The following SNTA1 variants were observed in gnomAD, a reference collection of about 807,000 sequenced individuals.
The protein encoded by SNTA1 is alpha-1-syntrophin.
Under a neutral mutation model 47.1 loss-of-function variants are expected in SNTA1, and 31 were observed. That is an observed-to-expected ratio of 0.66 (90% CI 0.49 to 0.89). The LOEUF is 0.89. Ranked by LOEUF, SNTA1 falls within the 40% of genes least tolerant of loss-of-function variation. SNTA1 has a pLI of 0.00. For synonymous variants in SNTA1, 300 were observed against 313.6 expected (o/e 0.96, Z 0.46); for missense variants, 575 against 693.0 (o/e 0.83, Z 1.91).
At chr20:33,440,967 C>T (rs1367412113) in intron 1 of SNTA1, among the ~76,000 whole-genome samples, 1 of 152,226 alleles carries the variant, frequency 6.6e-6, no homozygotes, top group Non-Finnish European at 1.5e-5. Flanking sequence ...AAACCAAAGC[C>T]TTAGAGTCTA....
intron 2 of SNTA1, among the ~76,000 whole-genome samples, chr20:33,420,125 T>C (rs2146777153): frequency 6.6e-6 from 1 of 152,230 alleles, no homozygotes; most frequent in Middle Eastern, 3.4e-3. Context: ...GGTTTCGCCA[T>C]GTTGGCCAGG....
Position 33,443,646 on chromosome 20 carries a change from C to A in SNTA1, c.-26G>T. The A allele has an allele frequency of 8.4e-7, 1 of 1,188,344 alleles. No individual in the cohort carries two copies. Among genetic ancestry groups the A allele is most frequent in the Non-Finnish European group, 1.0e-6 (1 of 959,310 alleles). The allele number at this position is 1,188,344 out of a possible 1,614,324, so 73.6% of individuals were successfully genotyped here. On this transcript the variant is annotated 5_prime_UTR_variant, in exon 1 of 8. Transcript: ENST00000217381. ...CTTCGCCTCCGAGCCCCCGGGCCGC[C>A]GCGCTCGCCCTGTCCCGCTTTGCCC...
intron 2 of SNTA1, among the ~76,000 whole-genome samples, chr20:33,422,847 G>A (rs2146781993): frequency 6.6e-6 from 1 of 152,258 alleles, no homozygotes; most frequent in African/African-American, 2.4e-5. Context: ...TTAGCAGGAG[G>A]GAAGAGGTGC....
At chr20:33,426,013 T>C (rs999603966) in intron 2 of SNTA1, among the ~76,000 whole-genome samples, 1 of 150,698 alleles carries the variant, frequency 6.6e-6, no homozygotes, top group Non-Finnish European at 1.5e-5. Context: ...GAGACAGAGG[T>C]TGCAGTGAGC....
intron 2 of SNTA1, among the ~76,000 whole-genome samples, chr20:33,420,848 G>A (rs141165361): frequency 2.8e-4 from 42 of 152,116 alleles, no homozygotes; most frequent in African/African-American, 9.4e-4. Flanking sequence ...GCTGGGCGTG[G>A]TCGTGGGCAC....
chr20:33,430,076 A>ACAAG (rs1351933702), intron 2 of SNTA1, among the ~76,000 whole-genome samples: 1 of 152,124 alleles, frequency 6.6e-6, no homozygotes, highest in East Asian at 1.9e-4. Flanking sequence ...ACCAAGCCAT[A>ACAAG]CAAGCCATAG....
intron 1 of SNTA1, among the ~76,000 whole-genome samples, chr20:33,442,584 C>G (rs934383777): frequency 1.3e-5 from 2 of 152,180 alleles, no homozygotes; most frequent in Non-Finnish European, 2.9e-5. Context: ...TCCTCTTATA[C>G]AGTTGAGGAA....
rs1990503747 is a variant in SNTA1, at chr20:33,438,752, G to C, written c.496+89C>G. 2.7e-6 allele frequency: 3 copies of C among 1,120,858 alleles called. No homozygotes were observed. In the Admixed American group the frequency reaches 5.1e-5, roughly 19 times the overall value. The allele number at this position is 1,120,858 out of a possible 1,614,324, so 69.4% of individuals were successfully genotyped here. On this transcript the variant is annotated intron_variant, in intron 2 of 7. Coordinates refer to ENST00000217381, the MANE Select transcript of SNTA1 (RefSeq NM_003098.3). ...GCCCACCTCCCAGCCCCCAGTGCTG[G>C]GATGGGGCCTTCTGAGGCCTGGGGG...
At chr20:33,410,377 G>C (rs1989712653) in intron 5 of SNTA1, 46 bp from the exon 6 acceptor site, 2 of 1,331,150 alleles carry the variant, frequency 1.5e-6, no homozygotes, top group Non-Finnish European at 2.1e-6. Context: ...TCAGGCCGGA[G>C]GCAAATAGTT....
chr20:33,413,974 C>T (rs1224438862), intron 3 of SNTA1, among the ~76,000 whole-genome samples: 4 of 151,954 alleles, frequency 2.6e-5, no homozygotes, highest in Admixed American at 2.0e-4. Context: ...TGTGATGGCT[C>T]ACGCCTGTAA....
intron 3 of SNTA1, among the ~76,000 whole-genome samples, chr20:33,416,212 C>A (rs1247386652): frequency 6.6e-6 from 1 of 152,148 alleles, no homozygotes; most frequent in East Asian, 1.9e-4. Context: ...CGAGTGAGAC[C>A]AAGAGATTTG....
At chr20:33,421,343 G>A (rs1990015188) in intron 2 of SNTA1, among the ~76,000 whole-genome samples, 1 of 152,202 alleles carries the variant, frequency 6.6e-6, no homozygotes, top group South Asian at 2.1e-4. Flanking sequence ...TGGGCACAGT[G>A]GCTCACGCCT....
chr20:33,413,679 G>A (rs188382), intron 3 of SNTA1, among the ~76,000 whole-genome samples: 2 of 151,050 alleles, frequency 1.3e-5, no homozygotes, highest in Non-Finnish European at 2.9e-5. Flanking sequence ...TGTAATCCCA[G>A]AACTTCGGGA....
At chr20:33,438,509 T>G (rs1050914096) in intron 2 of SNTA1, among the ~76,000 whole-genome samples, 30 of 152,150 alleles carry the variant, frequency 2.0e-4, no homozygotes, top group African/African-American at 7.2e-4. Flanking sequence ...ATTTTTGCCC[T>G]AGTCGCAACA....
At position 33,409,003 on chromosome 20, in the gene SNTA1, G is replaced by A; in HGVS notation, c.1238-115C>T. On this transcript the variant is annotated intron_variant, in intron 6 of 7. Transcript: ENST00000217381. ...GCCTGAATGCCTCCAGGGATGGGAG[G>A]CTCACTGTTTGTCGTGGCACCAGTA... is the stretch of plus-strand genomic sequence containing the variant. 1.1e-5 allele frequency: 10 copies of A among 928,428 alleles called. No individual in the cohort carries two copies. In the South Asian group the frequency reaches 1.3e-4, roughly 12 times the overall value. The allele number at this position is 928,428 out of a possible 1,614,324, so 57.5% of individuals were successfully genotyped here.
intron 2 of SNTA1, among the ~76,000 whole-genome samples, chr20:33,437,194 C>T (rs974972588): frequency 5.3e-5 from 8 of 150,442 alleles, no homozygotes; most frequent in Non-Finnish European, 1.0e-4. Flanking sequence ...ACCCGGGAGA[C>T]GGAGGTTGCA....
At chr20:33,412,855 C>T (rs1600839979) in intron 3 of SNTA1, 73 bp from the exon 4 acceptor site, 1 of 1,025,648 alleles carries the variant, frequency 9.7e-7, no homozygotes, top group South Asian at 1.4e-5. Flanking sequence ...CCCAAGAAAC[C>T]CCACCCACCA....
intron 2 of SNTA1, among the ~76,000 whole-genome samples, chr20:33,434,007 C>A (rs1990373677): frequency 6.6e-6 from 1 of 152,188 alleles, no homozygotes; most frequent in African/African-American, 2.4e-5. Flanking sequence ...ATCCACTGAG[C>A]TGGAAAAATA....
At chr20:33,411,723 C>T (rs1989745301) in intron 5 of SNTA1, among the ~76,000 whole-genome samples, 1 of 152,234 alleles carries the variant, frequency 6.6e-6, no homozygotes, top group Non-Finnish European at 1.5e-5. Flanking sequence ...TGCCAACTCC[C>T]TTCTCTCCAT....
Sources: allele counts gnomAD v4.1 joint callset (sites outside exome capture counted in the v4.1 genomes callset), GRCh38; gene constraint gnomAD v4.1.1; transcripts MANE v1.5; gene names NCBI Gene and HGNC (gene_info 2026-07-23, HGNC 2026-07-21).